The following KMT2D variants were observed in gnomAD, a reference collection of about 807,000 sequenced individuals.
KMT2D encodes the protein histone-lysine N-methyltransferase 2D.
KMT2D carries 55 observed loss-of-function variants against 512.7 expected under a neutral mutation model. The observed-to-expected ratio is 0.11, with a 90% CI of 0.09 to 0.13. The LOEUF is 0.13. Among genes scored for constraint, KMT2D ranks in the 10% least tolerant of loss-of-function variants. The probability of loss-of-function intolerance (pLI) is 1.00; values close to 1 mark genes in which losing one functional copy is unlikely to be tolerated. For missense variants in KMT2D, 6,061 were observed against 7,127.9 expected (o/e 0.85, Z 5.39); for synonymous variants, 2,995 against 2,904.0 (o/e 1.03, Z -1.01).
In KMT2D at chr12:49,039,818, C is replaced by A; in HGVS notation, c.7952G>T (p.Gly2651Val). ...AGCTGTCGCCAAAGAGCTACCCATT[C>A]CAGTCCCTGGGTCTTCTCGCTTTTC... is the stretch of plus-strand genomic sequence containing the variant. ...PVEKREDPGT[G>V]MGSSLATAEL... is the part of the protein sequence containing the mutation. The change falls in exon 32 of 55, where the codon GGA becomes GTA. Residue 2651 changes from glycine (G) to valine (V), a missense_variant. Transcript: ENST00000301067. This position sits in a 1 kb window ranked among gnomAD's most constrained non-coding sequence, Gnocchi z 5.0. 3 of 1,614,054 alleles carry A rather than the reference C, an allele frequency of 1.9e-6. No individual in the cohort carries two copies. The highest frequency in any genetic ancestry group is 2.5e-6 in the Non-Finnish European group (3 of 1,179,902).
At chr12:49,053,171 G>C (rs1938188953) in intron 8 of KMT2D, 36 bp downstream of exon 8, 2 of 1,610,062 alleles carry the variant, frequency 1.2e-6, no homozygotes, top group East Asian at 4.5e-5. Flanking sequence ...AGCAGACACA[G>C]TTAGGGACAA....
In KMT2D at chr12:49,049,669, G is replaced by C. The variant is rs1315513807; in HGVS notation, c.3906+13C>G. Reference sequence around the variant, plus strand: ...TAACTCTAATCACATCCCGCAGCTAGATAGCCCCTCACCTGTTTGATGCGG... The same window carrying C: ...TAACTCTAATCACATCCCGCAGCTACATAGCCCCTCACCTGTTTGATGCGG... On this transcript the variant is annotated intron_variant, in intron 12 of 54. Coordinates refer to ENST00000301067, the MANE Select transcript of KMT2D (RefSeq NM_003482.4). The C allele has an allele frequency of 7.7e-6, 12 of 1,559,226 alleles. No homozygotes were observed. Among genetic ancestry groups the C allele is most frequent in the African/African-American group, 2.7e-5 (2 of 73,710 alleles).
In KMT2D at chr12:49,031,300, C is replaced by T. The variant is rs773968991; in HGVS notation, c.13405G>A (p.Ala4469Thr). The T allele has an allele frequency of 1.2e-6, 2 of 1,613,390 alleles. No individual in the cohort carries two copies. The highest frequency in any genetic ancestry group is 2.7e-5 in the African/African-American group (2 of 74,944). ...CCAGTGCTGAGTTGCACATTCTTTGCCCGGAGTAGCTTCTGCAAGAGCAGA... is the reference window on the plus strand; with the variant it reads ...CCAGTGCTGAGTTGCACATTCTTTGTCCGGAGTAGCTTCTGCAAGAGCAGA... ...GHLLLQKLLR[A>T]KNVQLSTGRG... is the part of the protein sequence containing the mutation. Residue 4469 changes from alanine to threonine, a missense_variant, in exon 40 of 55, where the codon GCA (alanine) becomes ACA (threonine). Ala to Thr is a moderately conservative substitution (Grantham distance 58). Around this residue, in one of 16 missense-constraint regions of KMT2D, gnomAD observed 1,600 missense variants for 1,754.9 expected, o/e 0.91. Coordinates refer to ENST00000301067, the MANE Select transcript of KMT2D (RefSeq NM_003482.4).
At position 49,059,837 on chromosome 12, in the gene KMT2D, C is replaced by T. The variant is rs949055509; in HGVS notation, c.-262G>A. 6.6e-6 allele frequency: 1 copy of T among 152,250 alleles called. No individual in the cohort carries two copies. 9.4% of individuals were successfully genotyped at this position (152,250 alleles called of 1,614,324 possible). ...CCTCAGGTTCCAGCAGTTTAGGTTT[C>T]CATGGACAGCCCCAGGGCGGCGAAT... On this transcript the variant is annotated 5_prime_UTR_variant, in exon 1 of 55. Coordinates refer to ENST00000301067, the MANE Select transcript of KMT2D (RefSeq NM_003482.4).
chr12:49,019,076 A>T lies in KMT2D; in HGVS notation c.*2704T>A, dbSNP rs1942158484. The stretch of plus-strand genomic sequence containing the variant: ...TGCCTCTCGCAACATAAATATGTAC[A>T]GTTCAGAATGATCGCTGATACAAAA... On this transcript the variant is annotated 3_prime_UTR_variant, in exon 55 of 55. Transcript: ENST00000301067. 8.0e-7 allele frequency: 1 copy of T among 1,255,940 alleles called. No individual in the cohort carries two copies. The highest frequency in any genetic ancestry group is 1.0e-6 in the Non-Finnish European group (1 of 995,600). The allele number at this position is 1,255,940 out of a possible 1,614,324, so 77.8% of individuals were successfully genotyped here.
rs931621569 is a variant in KMT2D at position 49,051,618 on chromosome 12, G to C, written c.2065C>G (p.Leu689Val). 3 of 1,579,436 alleles carry C rather than the reference G, an allele frequency of 1.9e-6. No individual in the cohort carries two copies. Among genetic ancestry groups the C allele is most frequent in the Non-Finnish European group, 8.6e-7 (1 of 1,160,082 alleles). ...GGGGAGTCCTCAGGTGGTGGGGAGA[G>C]GCGTGAAGCCTCAGGTGGAGGGGAC... ...PTSPPPEASR[L>V]SPPPEDSPTS... The change falls in exon 11 of 55, where the codon CTC becomes GTC. Residue 689 changes from leucine to valine, a missense_variant. Physicochemically the swap from Leu to Val is conservative, Grantham distance 32. Around this residue, in one of 16 missense-constraint regions of KMT2D, gnomAD observed 848 missense variants for 838.5 expected, o/e 1.01. Transcript: ENST00000301067.
rs1224128434 is a variant in KMT2D at position 49,055,332 on chromosome 12, T to C, written c.-8A>G. 6.2e-7 allele frequency: 1 copy of C among 1,613,556 alleles called. No individual in the cohort carries two copies. The highest frequency in any genetic ancestry group is 8.5e-7 in the Non-Finnish European group (1 of 1,179,644). ...CAGCTTCTGGCTGTCCATCCCTCTC[T>C]CCGACTGGGCAGGGCCCTCTCGGGG... On this transcript the variant is annotated 5_prime_UTR_variant, in exon 2 of 55. Coordinates refer to ENST00000301067, the MANE Select transcript of KMT2D (RefSeq NM_003482.4).
chr12:49,060,751 G>A lies in KMT2D; in HGVS notation c.-1176C>T, dbSNP rs956267945. 2.6e-5 allele frequency among the ~76,000 whole-genome samples: 4 copies of A among 152,268 alleles called. No individual in the cohort carries two copies. Among genetic ancestry groups the A allele is most frequent in the Admixed American group, 2.6e-4 (4 of 15,288 alleles). On this transcript the variant is annotated 5_prime_UTR_variant, in exon 1 of 55. Coordinates refer to ENST00000301067, the MANE Select transcript of KMT2D (RefSeq NM_003482.4). ...CGGGGCACCCCACTCGAGAGGGGGA[G>A]AAAGGAGAAGAGGCGGCCCTATTTT...
rs750431611 is a variant in KMT2D at position 49,051,289 on chromosome 12, G to T, written c.2394C>A (p.Ser798=). 1 of 1,566,894 alleles carries T rather than the reference G, an allele frequency of 6.4e-7. No homozygotes were observed. The highest frequency in any genetic ancestry group is 8.7e-7 in the Non-Finnish European group (1 of 1,154,802). Reference sequence around the variant, plus strand: ...ACAGGTGCAATTCCTCAGGCTGAGGGGACAGATGTGGTCCCTCAGCCTGGG... The same window carrying T: ...ACAGGTGCAATTCCTCAGGCTGAGGTGACAGATGTGGTCCCTCAGCCTGGG... The part of the protein sequence containing the change: ...LSPQAEGPHL[S]PQPEELHLSP... The change falls in exon 11 of 55, where the codon TCC becomes TCA. Residue 798 remains serine (S), a synonymous_variant. Coordinates refer to ENST00000301067, the MANE Select transcript of KMT2D (RefSeq NM_003482.4).
rs775506569 is a variant in KMT2D at position 49,026,709 on chromosome 12, C to A, written c.15257G>T (p.Arg5086Leu). The stretch of plus-strand genomic sequence containing the variant: ...CAGGGAGCACTTGGTTAGCAGTCCT[C>A]GGTGCAGGGCAACCTCCACATTCAT... ...ALMNVEVALH[R>L]GLLTKCSLCQ... Residue 5086 changes from arginine (R) to leucine (L), a missense_variant, in exon 49 of 55, where the codon CGA becomes CTA. Physicochemically the swap from Arg to Leu is moderately radical, Grantham distance 102 (BLOSUM62 -2). This residue lies in a region of KMT2D where 261 missense variants were observed against 440.7 expected (regional missense o/e 0.59). Transcript: ENST00000301067. This position sits in a 1 kb window ranked among gnomAD's most constrained non-coding sequence, Gnocchi z 9.6. 6.2e-7 allele frequency: 1 copy of A among 1,613,988 alleles called. No individual in the cohort carries two copies. The highest frequency in any genetic ancestry group is 8.5e-7 in the Non-Finnish European group (1 of 1,179,898).
Position 49,024,814 on chromosome 12 carries a change from T to C in KMT2D, c.15917A>G (p.Glu5306Gly), listed in dbSNP as rs1237781981. The C allele has an allele frequency of 6.2e-7, 1 of 1,612,742 alleles. No individual in the cohort carries two copies. The highest frequency in any genetic ancestry group is 8.5e-7 in the Non-Finnish European group (1 of 1,179,148). ...LTVHAVLRIAESLPGVESCQN... is the reference protein window; with the variant it reads ...LTVHAVLRIAGSLPGVESCQN... ...AGCTCCCAGCCCCTTCCTTACTGAT[T>C]CAGCTATGCGAAGCACGGCATGCAC... The change falls in exon 50 of 55, where the codon GAA (glutamate) becomes GGA (glycine). Residue 5306 changes from glutamate (E) to glycine (G), a missense_variant. This residue lies in a region of KMT2D where 261 missense variants were observed against 440.7 expected (regional missense o/e 0.59). Coordinates refer to ENST00000301067, the MANE Select transcript of KMT2D (RefSeq NM_003482.4). This position sits in a 1 kb window ranked among gnomAD's most constrained non-coding sequence, Gnocchi z 4.5.
rs750039177 is a variant in KMT2D, at chr12:49,044,993, C to A, written c.4742-28G>T. ...GCATAAGAGGAAAGAGTATGTGATC[C>A]CTGGATGGAAGCCCCAGGGAAACCA... On this transcript the variant is annotated intron_variant, in intron 19 of 54. Transcript: ENST00000301067. This position sits in a 1 kb window ranked among gnomAD's most constrained non-coding sequence, Gnocchi z 6.4. The A allele has an allele frequency of 6.3e-7, 1 of 1,591,088 alleles. No individual in the cohort carries two copies. The highest frequency in any genetic ancestry group is 8.6e-7 in the Non-Finnish European group (1 of 1,159,974).
Position 49,039,927 on chromosome 12 carries a change from C to A in KMT2D, c.7843G>T (p.Val2615Phe). ...YGLSPLRPPS[V>F]LPPPAPDGSL... The stretch of plus-strand genomic sequence containing the variant: ...CCGTCGGGTGCAGGTGGTGGCAGAA[C>A]CGACGGAGGGCGTAGTGGGGACAGC... Residue 2615 changes from valine (V) to phenylalanine (F), a missense_variant, in exon 32 of 55, where the codon GTT (valine) becomes TTT (phenylalanine). Around this residue, in one of 16 missense-constraint regions of KMT2D, gnomAD observed 527 missense variants for 578.9 expected, o/e 0.91. Coordinates refer to ENST00000301067, the MANE Select transcript of KMT2D (RefSeq NM_003482.4). This position sits in a 1 kb window ranked among gnomAD's most constrained non-coding sequence, Gnocchi z 5.0. The A allele has an allele frequency of 6.2e-7, 1 of 1,613,970 alleles. No homozygotes were observed. Among genetic ancestry groups the A allele is most frequent in the Non-Finnish European group, 8.5e-7 (1 of 1,179,876 alleles).
intron 44 of KMT2D, 66 bp from the exon 45 acceptor site, chr12:49,029,302 A>AATAG (rs1942767332): frequency 1.3e-6 from 2 of 1,592,616 alleles, no homozygotes; most frequent in African/African-American, 2.7e-5. Flanking sequence ...TCTAGAGATG[A>AATAG]ATAGATGTCT....
Position 49,049,865 on chromosome 12 carries a change from C to T in KMT2D, c.3723G>A (p.Glu1241=), listed in dbSNP as rs1937825816. The part of the protein sequence containing the change: ...DPEGGGSLSM[E]LGVSTDVSPA... Reference sequence around the variant, plus strand: ...GACTAACATCCGTAGAGACCCCCAACTCCATGGACAGGGAGCCACCCCCCT... The same window carrying T: ...GACTAACATCCGTAGAGACCCCCAATTCCATGGACAGGGAGCCACCCCCCT... Residue 1241 remains glutamate (E), a synonymous_variant, in exon 12 of 55, where the codon GAG becomes GAA. Transcript: ENST00000301067. 1 of 1,613,960 alleles carries T rather than the reference C, an allele frequency of 6.2e-7. No homozygotes were observed. The highest frequency in any genetic ancestry group is 8.5e-7 in the Non-Finnish European group (1 of 1,179,874).
rs751393107 is a variant in KMT2D at position 49,054,447 on chromosome 12, G to T, written c.401-31C>A. 2 of 1,569,056 alleles carry T rather than the reference G, an allele frequency of 1.3e-6. No homozygotes were observed. The highest frequency in any genetic ancestry group is 1.2e-5 in the South Asian group (1 of 85,844). ...CAGGTGGGAAGAGGTAAAGAGAAAG[G>T]AAAGAATTAACAAAAAGAGGATTGC... is the stretch of plus-strand genomic sequence containing the variant. On this transcript the variant is annotated intron_variant, in intron 4 of 54. Transcript: ENST00000301067. This position sits in a 1 kb window ranked among gnomAD's most constrained non-coding sequence, Gnocchi z 6.4.
chr12:49,031,628 T>C lies in KMT2D; in HGVS notation c.13077A>G (p.Ser4359=), dbSNP rs1942915081. The change falls in exon 40 of 55, where the codon TCA becomes TCG. Residue 4359 remains serine (S), a synonymous_variant. Coordinates refer to ENST00000301067, the MANE Select transcript of KMT2D (RefSeq NM_003482.4). ...TATCTGCAAGCTGGGCAGCAGCAGGTGAGACCCTCCCAGGAGGCGGCTCCA... is the reference window on the plus strand; with the variant it reads ...TATCTGCAAGCTGGGCAGCAGCAGGCGAGACCCTCCCAGGAGGCGGCTCCA... ...PTLEPPPGRV[S]PAAAQLADTL... 4 of 1,601,900 alleles carry C rather than the reference T, an allele frequency of 2.5e-6. No homozygotes were observed. Among genetic ancestry groups the C allele is most frequent in the Admixed American group, 1.7e-5 (1 of 57,672 alleles).
rs757247893 is a variant in KMT2D at position 49,034,445 on chromosome 12, C to G, written c.10472G>C (p.Arg3491Pro). The change falls in exon 38 of 55, where the codon CGT (arginine) becomes CCT (proline). Residue 3491 changes from arginine to proline, a missense_variant. By Grantham distance (103) the Arg-to-Pro change is moderately radical. Coordinates refer to ENST00000301067, the MANE Select transcript of KMT2D (RefSeq NM_003482.4). ...CTGAGCAAAAGTGGGCGGGTTGGGA[C>G]GAGGCTGGGAGGGATCACCAGCACT... Reference protein sequence around the residue: ...ERSAGDPSQPRPNPPTFAQGV... With the variant: ...ERSAGDPSQPPPNPPTFAQGV... 5 of 1,613,624 alleles carry G rather than the reference C, an allele frequency of 3.1e-6. No individual in the cohort carries two copies. The highest frequency in any genetic ancestry group is 2.7e-5 in the African/African-American group (2 of 74,876).
At position 49,043,169 on chromosome 12, in the gene KMT2D, C is replaced by T. The variant is rs748653082; in HGVS notation, c.5551G>A (p.Val1851Met). 3.7e-6 allele frequency: 6 copies of T among 1,613,758 alleles called. No individual in the cohort carries two copies. Among genetic ancestry groups the T allele is most frequent in the East Asian group, 2.2e-5 (1 of 44,906 alleles). Residue 1851 changes from valine (V) to methionine (M), a missense_variant, in exon 26 of 55, where the codon GTG becomes ATG. Physicochemically the swap from Val to Met is conservative, Grantham distance 21 (BLOSUM62 1). Around this residue, in one of 16 missense-constraint regions of KMT2D, gnomAD observed 640 missense variants for 814.3 expected, o/e 0.79. Coordinates refer to ENST00000301067, the MANE Select transcript of KMT2D (RefSeq NM_003482.4). ...ADTPGPEDGG[V>M]KASPVPSDPE... ...TCACTGGGCACTGGGGATGCCTTCA[C>T]GCCCCCATCCTCAGGTCCTGTAAAT...
Sources: gnomAD v4.1 joint callset for allele counts (sites outside exome capture counted in the v4.1 genomes callset) on GRCh38, gnomAD v4.1.1 for gene constraint, gnomAD v4.1.1 regional missense constraint, Gnocchi (gnomAD v3.1) non-coding constraint, MANE v1.5 for transcripts, NCBI Gene and HGNC (gene_info 2026-07-23, HGNC 2026-07-21) for gene names.